OGFRL1: variants seen among roughly 807,000 people sequenced by gnomAD.
The protein encoded by OGFRL1 is opioid growth factor receptor like 1.
In OGFRL1, 26 loss-of-function variants were observed where a neutral mutation model predicts 32.4. The ratio of observed to expected loss-of-function variants is 0.80; its 90% CI spans 0.59 to 1.11. The LOEUF (loss-of-function observed/expected upper bound fraction) is 1.11. Among genes scored for constraint, OGFRL1 ranks in the 50% most tolerant of loss-of-function variants. The pLI, the probability that OGFRL1 is intolerant of heterozygous loss-of-function variation, is 0.00. For missense variants in OGFRL1, 521 were observed against 546.4 expected, an observed-to-expected ratio of 0.95 and a Z score of 0.46; for synonymous variants, 211 against 201.2, an observed-to-expected ratio of 1.05 and a Z score of -0.41.
At position 71,303,728 on chromosome 6, in the gene OGFRL1, A is replaced by T. The variant is rs1310639585; in HGVS notation, c.*1679A>T. ...TATCAAACTTCAAAATTGAGAACAA[A>T]TTTAAAAGTCCATATATGCAACTCT... On this transcript the variant is annotated 3_prime_UTR_variant, in exon 7 of 7. Coordinates refer to ENST00000370435, the MANE Select transcript of OGFRL1 (RefSeq NM_024576.5). 6.6e-6 allele frequency: 1 copy of T among 152,184 alleles called. No individual in the cohort carries two copies. Among genetic ancestry groups the T allele is most frequent in the Non-Finnish European group, 1.5e-5 (1 of 68,012 alleles). The allele number at this position is 152,184 out of a possible 1,614,324, so 9.4% of individuals were successfully genotyped here.
At chr6:71,289,977 G>C (rs966348852) in intron 1 of OGFRL1, among the ~76,000 whole-genome samples, 1 of 152,160 alleles carries the variant, frequency 6.6e-6, no homozygotes, top group African/African-American at 2.4e-5. Context: ...AGGGGCGATG[G>C]AGATTGGGAA....
chr6:71,301,700 A>T lies in OGFRL1; in HGVS notation c.1007A>T (p.His336Leu), dbSNP rs765983077. 5.6e-6 allele frequency: 9 copies of T among 1,614,028 alleles called. No individual in the cohort carries two copies. Among genetic ancestry groups the T allele is most frequent in the Non-Finnish European group, 7.6e-6 (9 of 1,180,020 alleles). ...QKMSSPLASSHNSQTSMHKKA... is the reference protein window; with the variant it reads ...QKMSSPLASSLNSQTSMHKKA... Reference sequence around the variant, plus strand: ...ATGTCTTCCCCTCTCGCCTCCAGTCATAACAGTCAAACTTCTATGCACAAA... The same window carrying T: ...ATGTCTTCCCCTCTCGCCTCCAGTCTTAACAGTCAAACTTCTATGCACAAA... Residue 336 changes from histidine to leucine, a missense_variant, in exon 7 of 7, where the codon CAT (histidine) becomes CTT (leucine). By Grantham distance (99) the His-to-Leu change is moderately conservative. Coordinates refer to ENST00000370435, the MANE Select transcript of OGFRL1 (RefSeq NM_024576.5).
chr6:71,301,243 A>G (rs2149356672), intron 6 of OGFRL1, 143 bp from the exon 7 acceptor site: 1 of 696,172 alleles, frequency 1.4e-6, no homozygotes, highest in Non-Finnish European at 2.4e-6. Flanking sequence ...TCTTAATGGT[A>G]TCAAATATGG....
rs2149349866 is a variant in OGFRL1 at position 71,288,894 on chromosome 6, C to CGACCCGCA, written c.-42_-41insACCCGCAG. 8.1e-7 allele frequency: 1 copy of CGACCCGCA among 1,229,216 alleles called. No individual in the cohort carries two copies. Among genetic ancestry groups the CGACCCGCA allele is most frequent in the East Asian group, 5.2e-5 (1 of 19,068 alleles). 76.1% of individuals were successfully genotyped at this position (1,229,216 alleles called of 1,614,324 possible). ...GCCCTAGAGCGCCTGCCGCAGCTTG[C>CGACCCGCA]GCCCCGCAGCCCCGCAGCCCCGCGC... On this transcript the variant is annotated 5_prime_UTR_variant, in exon 1 of 7. Coordinates refer to ENST00000370435, the MANE Select transcript of OGFRL1 (RefSeq NM_024576.5).
intron 6 of OGFRL1, among the ~76,000 whole-genome samples, chr6:71,299,276 C>A (rs773328073): frequency 7.9e-5 from 12 of 152,076 alleles, no homozygotes; most frequent in Non-Finnish European, 1.3e-4. Context: ...ATAGTGTAAC[C>A]CTAAGATGGT....
chr6:71,292,997 T>G (rs924323437), intron 1 of OGFRL1, among the ~76,000 whole-genome samples: 1 of 152,210 alleles, frequency 6.6e-6, no homozygotes, highest in African/African-American at 2.4e-5. Context: ...TTGAGTTCCA[T>G]TTTTGATGGA....
Position 71,308,398 on chromosome 6 carries a change from T to C in OGFRL1, c.*6349T>C, listed in dbSNP as rs920504374. 4 of 152,236 alleles carry C rather than the reference T, an allele frequency of 2.6e-5. No homozygotes were observed. Among genetic ancestry groups the C allele is most frequent in the Non-Finnish European group, 5.9e-5 (4 of 68,036 alleles). The allele number at this position is 152,236 out of a possible 1,614,324, so 9.4% of individuals were successfully genotyped here. A position where few individuals can be genotyped will look rare whatever the true frequency, so the allele number is the denominator to read the frequency against. Reference sequence around the variant, plus strand: ...CCTATGTAAGGTAATCTTTCTTTTTTAGTATTATCTAAGAAGGATGGTAGA... The same window carrying C: ...CCTATGTAAGGTAATCTTTCTTTTTCAGTATTATCTAAGAAGGATGGTAGA... On this transcript the variant is annotated 3_prime_UTR_variant, in exon 7 of 7. Transcript: ENST00000370435.
chr6:71,289,162 G>C lies in OGFRL1; in HGVS notation c.226G>C (p.Ala76Pro). The change falls in exon 1 of 7, where the codon GCC becomes CCC. Residue 76 changes from alanine (A) to proline (P), a missense_variant. Ala to Pro is a conservative substitution (Grantham distance 27). Coordinates refer to ENST00000370435, the MANE Select transcript of OGFRL1 (RefSeq NM_024576.5). ...APDEDAEAAG[A>P]EQGGDSTEAT... ...GGACGAGGACGCCGAGGCGGCGGGC[G>C]CCGAGCAGGTACGCGGCCCAGCGGT... is the stretch of plus-strand genomic sequence containing the variant. The C allele has an allele frequency of 9.3e-7, 1 of 1,076,160 alleles. No individual in the cohort carries two copies. The allele number at this position is 1,076,160 out of a possible 1,614,324, so 66.7% of individuals were successfully genotyped here. A position where few individuals can be genotyped will look rare whatever the true frequency, so the allele number is the denominator to read the frequency against.
At position 71,296,691 on chromosome 6, in the gene OGFRL1, A is replaced by C. The variant is rs1766221548; in HGVS notation, c.566A>C (p.Glu189Ala). Residue 189 changes from glutamate (E) to alanine (A), a missense_variant, in exon 6 of 7, where the codon GAA (glutamate) becomes GCA (alanine). By Grantham distance (107) the Glu-to-Ala change is moderately radical. Transcript: ENST00000370435. ...YEIEEFKKTK[E>A]AIRRFLLAYK... ...TATTAGGAATTCAAAAAAACAAAAGAAGCAATTAGAAGATTCCTCCTGGCT... is the reference window on the plus strand; with the variant it reads ...TATTAGGAATTCAAAAAAACAAAAGCAGCAATTAGAAGATTCCTCCTGGCT... 1 of 1,610,796 alleles carries C rather than the reference A, an allele frequency of 6.2e-7. No homozygotes were observed. Among genetic ancestry groups the C allele is most frequent in the Non-Finnish European group, 8.5e-7 (1 of 1,178,968 alleles).
At chr6:71,300,778 T>C (rs2149356440) in intron 6 of OGFRL1, among the ~76,000 whole-genome samples, 1 of 152,316 alleles carries the variant, frequency 6.6e-6, no homozygotes, top group East Asian at 1.9e-4. Flanking sequence ...AGCCAGGGTG[T>C]GAACTCAGGT....
Position 71,306,167 on chromosome 6 carries a change from G to GT in OGFRL1, c.*4119dup, listed in dbSNP as rs1304202398. ...ATATGCGTTGAGTATAAGGTAGGCT[G>GT]TATTTAGACACACTAGAATCATTAA... On this transcript the variant is annotated 3_prime_UTR_variant, in exon 7 of 7. Transcript: ENST00000370435. The GT allele has an allele frequency of 6.6e-6, 1 of 152,120 alleles. No homozygotes were observed. The highest frequency in any genetic ancestry group is 6.6e-5 in the Admixed American group (1 of 15,256). 9.4% of individuals were successfully genotyped at this position (152,120 alleles called of 1,614,324 possible). A position where few individuals can be genotyped will look rare whatever the true frequency, so the allele number is the denominator to read the frequency against.
At chr6:71,289,442 G>A in intron 1 of OGFRL1, 1 of 983,780 alleles carries the variant, frequency 1.0e-6, no homozygotes, top group Non-Finnish European at 1.2e-6. Flanking sequence ...ACTTGAATGG[G>A]TGTTTTCTTT....
intron 1 of OGFRL1, 191 bp downstream of exon 1, chr6:71,289,361 C>A (rs1765967622): frequency 1.0e-6 from 1 of 984,508 alleles, no homozygotes; most frequent in Non-Finnish European, 1.2e-6. Context: ...GCCCAAAGCG[C>A]CGGACCCTCC....
At chr6:71,293,480 A>G (rs1218946724) in intron 2 of OGFRL1, 53 bp from the exon 3 acceptor site, 3 of 1,567,812 alleles carry the variant, frequency 1.9e-6, no homozygotes, top group African/African-American at 2.7e-5. Flanking sequence ...GGGTCCTTGT[A>G]TCTTTACTGT....
At chr6:71,294,810 C>A (rs532285261) in intron 3 of OGFRL1, among the ~76,000 whole-genome samples, 3 of 152,150 alleles carry the variant, frequency 2.0e-5, no homozygotes, top group South Asian at 4.1e-4. Context: ...TGAAGAAATG[C>A]AATGATAGAT....
chr6:71,301,707 T>C lies in OGFRL1; in HGVS notation c.1014T>C (p.Ser338=). Residue 338 remains serine (S), a synonymous_variant, in exon 7 of 7, where the codon AGT becomes AGC. Coordinates refer to ENST00000370435, the MANE Select transcript of OGFRL1 (RefSeq NM_024576.5). ...MSSPLASSHN[S]QTSMHKKAKD... ...CCCCTCTCGCCTCCAGTCATAACAG[T>C]CAAACTTCTATGCACAAAAAAGCCA... The C allele has an allele frequency of 6.2e-7, 1 of 1,613,764 alleles. No individual in the cohort carries two copies. The highest frequency in any genetic ancestry group is 1.3e-5 in the African/African-American group (1 of 74,918).
chr6:71,289,391 G>A (rs1765969852), intron 1 of OGFRL1: 3 of 984,674 alleles, frequency 3.0e-6, no homozygotes, highest in Non-Finnish European at 3.6e-6. Flanking sequence ...CCTGGGGCCT[G>A]GCCGAGGGCA....
In OGFRL1 at chr6:71,296,695, A is replaced by T. The variant is rs1166921614; in HGVS notation, c.570A>T (p.Ala190=). 9 of 1,611,980 alleles carry T rather than the reference A, an allele frequency of 5.6e-6. No individual in the cohort carries two copies. The highest frequency in any genetic ancestry group is 1.7e-5 in the Admixed American group (1 of 59,458). The change falls in exon 6 of 7, where the codon GCA becomes GCT. Residue 190 remains alanine (A), a synonymous_variant. Transcript: ENST00000370435. ...AGGAATTCAAAAAAACAAAAGAAGC[A>T]ATTAGAAGATTCCTCCTGGCTTATA... ...EIEEFKKTKE[A]IRRFLLAYKM...
chr6:71,289,888 G>T (rs1765993911), intron 1 of OGFRL1: 1 of 904,640 alleles, frequency 1.1e-6, no homozygotes, highest in Non-Finnish European at 1.3e-6. Flanking sequence ...GAAATATGTA[G>T]CCGACCCCCT....
Sources: gnomAD v4.1 joint callset for allele counts (sites outside exome capture counted in the v4.1 genomes callset) on GRCh38, gnomAD v4.1.1 for gene constraint, MANE v1.5 for transcripts, NCBI Gene and HGNC (gene_info 2026-07-23, HGNC 2026-07-21) for gene names.